The following ZNF577 variants were observed in gnomAD, a reference collection of about 807,000 sequenced individuals.
ZNF577 encodes zinc finger protein 577.
ZNF577 carries 14 observed loss-of-function variants against 13.9 expected under a neutral mutation model. The observed-to-expected ratio is 1.00, with a 90% CI of 0.66 to 1.57. ZNF577 has a LOEUF of 1.57. Among genes scored for constraint, ZNF577 ranks in the 40% most tolerant of loss-of-function variants. ZNF577 has a pLI of 0.00. For synonymous variants in ZNF577, 203 were observed against 202.9 expected, an observed-to-expected ratio of 1.00 and a Z score of 0.00; for missense variants, 555 against 579.2, an observed-to-expected ratio of 0.96 and a Z score of 0.43.
At chr19:51,884,976 T>G (rs8102738) in intron 1 of ZNF577, among the ~76,000 whole-genome samples, 2 of 152,202 alleles carry the variant, frequency 1.3e-5, no homozygotes, top group African/African-American at 4.8e-5. Flanking sequence ...AATTCCACTA[T>G]AGTTAGAGAA....
rs1568453264 is a variant in ZNF577 at position 51,887,850 on chromosome 19, C to T, written c.-1248G>A. ...CGCAGACCAGACCGATGACCTGTCT[C>T]CACTGCTGGAGGCGAGTCAGGGACC... On this transcript the variant is annotated 5_prime_UTR_variant, in exon 1 of 6. Transcript: ENST00000638348. 2 of 152,268 alleles carry T rather than the reference C, an allele frequency of 1.3e-5. No individual in the cohort carries two copies. Among genetic ancestry groups the T allele is most frequent in the South Asian group, 4.1e-4 (2 of 4,832 alleles). 9.4% of individuals were successfully genotyped at this position (152,268 alleles called of 1,614,324 possible). A position where few individuals can be genotyped will look rare whatever the true frequency, so the allele number is the denominator to read the frequency against.
intron 10 of ZNF577, among the ~76,000 whole-genome samples, chr19:51,809,457 G>A (rs1027689003): frequency 4.1e-4 from 63 of 152,296 alleles, no homozygotes; most frequent in African/African-American, 1.4e-3. Flanking sequence ...TATGGGTTGG[G>A]ATAGATAGAT....
intron 9 of ZNF577, among the ~76,000 whole-genome samples, chr19:51,831,671 T>A (rs934328129): frequency 6.6e-6 from 1 of 152,158 alleles, no homozygotes; most frequent in African/African-American, 2.4e-5. Context: ...CACCCTCCAA[T>A]AGCTTCCCAT....
intron 1 of ZNF577, chr19:51,886,115 C>A (rs2084941902): frequency 6.6e-6 from 1 of 151,882 alleles, no homozygotes; most frequent in Admixed American, 6.6e-5. Flanking sequence ...ATAATAATTA[C>A]CTTTGGAGAG....
intron 9 of ZNF577, among the ~76,000 whole-genome samples, chr19:51,838,333 T>C (rs1182622553): frequency 6.8e-6 from 1 of 147,816 alleles, no homozygotes; most frequent in Non-Finnish European, 1.5e-5. Context: ...ACACGATTGA[T>C]GCAAAGATGG....
intron 5 of ZNF577, among the ~76,000 whole-genome samples, chr19:51,875,545 A>G (rs1451172979): frequency 6.6e-6 from 1 of 152,224 alleles, no homozygotes; most frequent in African/African-American, 2.4e-5. Context: ...GTAGCATTCA[A>G]TAAAATATAT....
intron 10 of ZNF577, among the ~76,000 whole-genome samples, chr19:51,808,782 T>G (rs2084077654): frequency 6.6e-6 from 1 of 152,220 alleles, no homozygotes; most frequent in Admixed American, 6.5e-5. Flanking sequence ...TCTTAAATCA[T>G]GTAGTAGTCG....
In ZNF577 at chr19:51,880,414, A is replaced by G. The variant is rs28658468; in HGVS notation, c.-19-13T>C. On this transcript the variant is annotated splice_polypyrimidine_tract_variant and intron_variant, in intron 2 of 5. Coordinates refer to ENST00000638348, the MANE Select transcript of ZNF577 (RefSeq NM_001370449.1). ...CCTGTTATTTCAGCTGCCAAAAAAA[A>G]GGAGACACAGTTTAAAGCAGAGAAA... 2.3e-3 allele frequency: 3,642 copies of G among 1,612,772 alleles called. 71 individuals are homozygous for G. In the African/African-American group the frequency reaches 0.041, roughly 18 times the overall value.
chr19:51,809,479 T>C (rs1255306452), intron 10 of ZNF577, among the ~76,000 whole-genome samples: 3 of 152,220 alleles, frequency 2.0e-5, no homozygotes, highest in Non-Finnish European at 2.9e-5. Flanking sequence ...TCTCATGTAG[T>C]TGTGCTCCCA....
chr19:51,861,760 A>C (rs1158632234), intron 5 of ZNF577: 1 of 152,416 alleles, frequency 6.6e-6, no homozygotes, highest in Non-Finnish European at 1.5e-5. Context: ...GACCAATGAG[A>C]GTTTACAAAG....
At chr19:51,875,924 C>A (rs1479167633) in intron 5 of ZNF577, among the ~76,000 whole-genome samples, 6 of 152,206 alleles carry the variant, frequency 3.9e-5, no homozygotes, top group Non-Finnish European at 8.8e-5. Context: ...GCAGCTGAGA[C>A]ATTCAGACGT....
At chr19:51,864,692 T>A (rs910999821), downstream of ZNF577, among the ~76,000 whole-genome samples, 11 of 152,198 alleles carry the variant, frequency 7.2e-5, no homozygotes, top group South Asian at 1.5e-3. Context: ...AGCTATTAGA[T>A]CTCCAAGCAA....
chr19:51,864,274 G>A (rs572139544), downstream of ZNF577, among the ~76,000 whole-genome samples: 13 of 152,032 alleles, frequency 8.6e-5, no homozygotes, highest in Middle Eastern at 3.4e-3. Context: ...ATTACTTTCC[G>A]CAACACTTTT....
rs1029770976 is a variant in ZNF577 at position 51,824,568 on chromosome 19, A to T, written c.*600-12894T>A. ...AGTCTGGCTCAAAGAGATGTTGTTA[A>T]ATGGCAAATACAAAATCATTCTTGT... On this transcript the variant is annotated intron_variant and NMD_transcript_variant, in intron 9 of 10. Transcript: ENST00000638827. The surrounding 1 kb of genome is among the most constrained non-coding windows in gnomAD (Gnocchi z 4.7). The T allele has an allele frequency of 1.5e-5, 24 of 1,614,174 alleles. No individual in the cohort carries two copies. Among genetic ancestry groups the T allele is most frequent in the Admixed American group, 3.3e-5 (2 of 60,032 alleles).
intron 5 of ZNF577, among the ~76,000 whole-genome samples, chr19:51,845,141 T>C (rs1472777546): frequency 6.6e-6 from 1 of 152,226 alleles, no homozygotes; most frequent in Non-Finnish European, 1.5e-5. Context: ...TTACTTCACA[T>C]ACTTGCCATA....
At position 51,872,355 on chromosome 19, in the gene ZNF577, A is replaced by G; in HGVS notation, c.*177T>C. 1.8e-6 allele frequency: 1 copy of G among 554,386 alleles called. No individual in the cohort carries two copies. Among genetic ancestry groups the G allele is most frequent in the Non-Finnish European group, 3.1e-6 (1 of 319,210 alleles). The allele number at this position is 554,386 out of a possible 1,614,324, so 34.3% of individuals were successfully genotyped here. On this transcript the variant is annotated 3_prime_UTR_variant, in exon 6 of 6. Transcript: ENST00000638348. ...CATCTCCAGGTAAAGACTTCCTCAT[A>G]ACAGCTGCATTTCTACCCAACATGA...
chr19:51,854,653 T>C (rs2084400193), intron 5 of ZNF577, among the ~76,000 whole-genome samples: 2 of 152,134 alleles, frequency 1.3e-5, no homozygotes, highest in South Asian at 4.2e-4. Context: ...TTTATTGACC[T>C]TCTCAGATGG....
chr19:51,874,208 T>C (rs1036193550), intron 5 of ZNF577, among the ~76,000 whole-genome samples: 1 of 152,218 alleles, frequency 6.6e-6, no homozygotes, highest in Admixed American at 6.5e-5. Context: ...GGGATGGATG[T>C]ATTCACCCAA....
intron 1 of ZNF577, among the ~76,000 whole-genome samples, chr19:51,881,192 G>A (rs184698244): frequency 1.3e-5 from 2 of 152,180 alleles, no homozygotes; most frequent in African/African-American, 2.4e-5. Context: ...GAAGGAAGTG[G>A]TAAAGCCAGA....
Sources: gnomAD v4.1 joint callset for allele counts (sites outside exome capture counted in the v4.1 genomes callset) on GRCh38, gnomAD v4.1.1 for gene constraint, Gnocchi (gnomAD v3.1) non-coding constraint, MANE v1.5 for transcripts, NCBI Gene and HGNC (gene_info 2026-07-23, HGNC 2026-07-21) for gene names.